The following OPCML variants were observed in gnomAD, a reference collection of about 807,000 sequenced individuals.
OPCML encodes opioid-binding protein/cell adhesion molecule.
OPCML carries 13 observed loss-of-function variants against 37.8 expected under a neutral mutation model. That is an observed-to-expected ratio of 0.34 (90% confidence interval 0.22 to 0.55). OPCML has a LOEUF of 0.55. Ranked by LOEUF, OPCML falls within the 20% of genes least tolerant of loss-of-function variation. The probability of loss-of-function intolerance (pLI) is 0.91; values close to 1 mark genes in which losing one functional copy is unlikely to be tolerated. For missense variants in OPCML, 341 were observed against 435.6 expected, an observed-to-expected ratio of 0.78 and a Z score of 1.93; for synonymous variants, 176 against 168.8, an observed-to-expected ratio of 1.04 and a Z score of -0.33.
chr11:132,615,437 G>A (rs1938944805), intron 3 of OPCML, among the ~76,000 whole-genome samples: 1 of 152,206 alleles, frequency 6.6e-6, no homozygotes. Flanking sequence ...GTTGAATGAA[G>A]TAGAGTTGGC....
intron 1 of OPCML, among the ~76,000 whole-genome samples, chr11:133,408,581 G>A (rs1284990671): frequency 2.6e-5 from 4 of 152,136 alleles, no homozygotes; most frequent in Non-Finnish European, 5.9e-5. Context: ...AGCAGCTCAG[G>A]GCGCCAGGTG....
intron 1 of OPCML, among the ~76,000 whole-genome samples, chr11:133,139,126 G>A (rs11223370): frequency 2.8e-4 from 43 of 152,196 alleles, no homozygotes; most frequent in African/African-American, 7.9e-4. Flanking sequence ...AATCTAACAC[G>A]TAATGTGACT....
At chr11:132,538,138 G>T (rs2096345856) in intron 3 of OPCML, among the ~76,000 whole-genome samples, 1 of 152,092 alleles carries the variant, frequency 6.6e-6, no homozygotes, top group Admixed American at 6.6e-5. Context: ...GGTCATAATA[G>T]ACAAAATTTT....
intron 2 of OPCML, among the ~76,000 whole-genome samples, chr11:132,674,297 G>A (rs916213283): frequency 6.6e-6 from 1 of 152,124 alleles, no homozygotes. Context: ...GGGTGGAAGG[G>A]GCATCCAGGG....
At chr11:133,112,116 C>T (rs1289110346) in intron 1 of OPCML, among the ~76,000 whole-genome samples, 1 of 151,928 alleles carries the variant, frequency 6.6e-6, no homozygotes, top group Non-Finnish European at 1.5e-5. Context: ...TATTATCCTA[C>T]TTTGGATATG....
chr11:133,286,170 G>T (rs1210250345), intron 1 of OPCML, among the ~76,000 whole-genome samples: 1 of 152,130 alleles, frequency 6.6e-6, no homozygotes, highest in Non-Finnish European at 1.5e-5. Context: ...TATTCACCTT[G>T]CTGGGCGCGG....
chr11:133,253,313 AT>A (rs1941204699), intron 1 of OPCML, among the ~76,000 whole-genome samples: 1 of 151,750 alleles, frequency 6.6e-6, no homozygotes, highest in Admixed American at 6.6e-5. Context: ...GTCACATTTT[AT>A]TTTATTTTAT....
intron 2 of OPCML, among the ~76,000 whole-genome samples, chr11:132,829,144 A>T (rs1940537646): frequency 6.6e-6 from 1 of 152,210 alleles, no homozygotes; most frequent in Non-Finnish European, 1.5e-5. Context: ...AGAATCCAGA[A>T]GAATCCAAGT....
At chr11:132,762,393 T>C (rs1486731334) in intron 2 of OPCML, among the ~76,000 whole-genome samples, 1 of 152,214 alleles carries the variant, frequency 6.6e-6, no homozygotes, top group African/African-American at 2.4e-5. Flanking sequence ...CGTTTAAGTC[T>C]GATGAAGCTG....
chr11:132,685,203 C>T (rs1399980857), intron 2 of OPCML, among the ~76,000 whole-genome samples: 1 of 152,140 alleles, frequency 6.6e-6, no homozygotes, highest in Non-Finnish European at 1.5e-5. Flanking sequence ...AATAGACAAG[C>T]ACTGGATTTT....
intron 2 of OPCML, among the ~76,000 whole-genome samples, chr11:132,676,330 C>G (rs1424483468): frequency 6.6e-6 from 1 of 152,026 alleles, no homozygotes; most frequent in African/African-American, 2.4e-5. Flanking sequence ...AGTTACAACT[C>G]TCTTAGAAGA....
At chr11:132,963,626 G>A (rs1591853758) in intron 1 of OPCML, among the ~76,000 whole-genome samples, 1 of 151,418 alleles carries the variant, frequency 6.6e-6, no homozygotes, top group East Asian at 2.0e-4. Flanking sequence ...CTTGCGGTGA[G>A]AATGTCCTTC....
chr11:133,139,560 G>T (rs1320559408), intron 1 of OPCML, among the ~76,000 whole-genome samples: 1 of 152,156 alleles, frequency 6.6e-6, no homozygotes. Context: ...TAAATAAATT[G>T]CTTTGTTTTT....
At chr11:133,122,363 T>A (rs1949435414) in intron 1 of OPCML, among the ~76,000 whole-genome samples, 1 of 151,584 alleles carries the variant, frequency 6.6e-6, no homozygotes, top group Non-Finnish European at 1.5e-5. Context: ...TAGGGTAAAG[T>A]CTTCTCCAAG....
chr11:132,426,338 T>C (rs932103426), intron 7 of OPCML, among the ~76,000 whole-genome samples: 1 of 151,612 alleles, frequency 6.6e-6, no homozygotes, highest in Non-Finnish European at 1.5e-5. Context: ...GTAAGACACA[T>C]AGCAACAACA....
chr11:132,429,662 G>A (rs2095989762), intron 7 of OPCML, among the ~76,000 whole-genome samples: 1 of 152,174 alleles, frequency 6.6e-6, no homozygotes, highest in Non-Finnish European at 1.5e-5. Context: ...GGAATTATCA[G>A]GCTGTTGTTC....
intron 2 of OPCML, among the ~76,000 whole-genome samples, chr11:132,852,387 G>A (rs1941848914): frequency 6.6e-6 from 1 of 152,184 alleles, no homozygotes; most frequent in Admixed American, 6.5e-5. Flanking sequence ...TTTTCAAAGT[G>A]TGACCTGCAG....
chr11:132,689,796 A>T (rs1943326147), intron 2 of OPCML, among the ~76,000 whole-genome samples: 1 of 152,236 alleles, frequency 6.6e-6, no homozygotes, highest in Non-Finnish European at 1.5e-5. Context: ...GCTTTGTAAA[A>T]TACATCAATG....
rs149021830 is a variant in OPCML, at chr11:133,279,885, G to A, written c.61+252379C>T. Among the ~76,000 whole-genome samples, 1,275 of 152,076 alleles carry A rather than the reference G, an allele frequency of 8.4e-3. 22 individuals carry two copies. Among genetic ancestry groups the A allele is most frequent in the African/African-American group, 0.029 (1,200 of 41,484 alleles). On this transcript the variant is annotated intron_variant, in intron 1 of 7. Coordinates refer to ENST00000524381, the MANE Select transcript of OPCML (RefSeq NM_001012393.5). Reference sequence around the variant, plus strand: ...TTAGTAGATAGTGGTGTAAATACTGGTGCAGGAGTTAATTGGTTATTTGTG... The same window carrying A: ...TTAGTAGATAGTGGTGTAAATACTGATGCAGGAGTTAATTGGTTATTTGTG...
Sources: allele counts gnomAD v4.1 joint callset (sites outside exome capture counted in the v4.1 genomes callset), GRCh38; gene constraint gnomAD v4.1.1; transcripts MANE v1.5; gene names NCBI Gene and HGNC (gene_info 2026-07-23, HGNC 2026-07-21).